GABRA2: variants seen among roughly 807,000 people sequenced by gnomAD.
The protein encoded by GABRA2 is gamma-aminobutyric acid type A receptor subunit alpha2.
In GABRA2, 16 loss-of-function variants were observed where a neutral mutation model predicts 48.7. The ratio of observed to expected loss-of-function variants is 0.33; its 90% CI spans 0.22 to 0.50. The LOEUF (loss-of-function observed/expected upper bound fraction) is 0.50. Among genes scored for constraint, GABRA2 ranks in the 20% least tolerant of loss-of-function variants. The pLI is 0.98. For missense variants in GABRA2, 275 were observed against 535.6 expected, an observed-to-expected ratio of 0.51 and a Z score of 4.80; for synonymous variants, 185 against 184.5, an observed-to-expected ratio of 1.00 and a Z score of -0.02.
chr4:46,265,426 GTA>G (rs34669556), intron 8 of GABRA2, among the ~76,000 whole-genome samples: 68,094 of 119,772 alleles, frequency 0.57, 19,003 homozygotes, highest in South Asian at 0.74. Context: ...AATATATTGT[GTA>G]TATATATATA....
At chr4:46,326,131 T>C (rs1046337277) in intron 4 of GABRA2, among the ~76,000 whole-genome samples, 4 of 151,960 alleles carry the variant, frequency 2.6e-5, no homozygotes, top group Non-Finnish European at 5.9e-5. Flanking sequence ...ATTGATAGTG[T>C]GATAGGAATA....
intron 8 of GABRA2, among the ~76,000 whole-genome samples, chr4:46,263,050 T>G (rs113311958): frequency 1.2e-5 from 1 of 86,092 alleles, no homozygotes; most frequent in South Asian, 5.5e-4. Flanking sequence ...TACAAAAGAA[T>G]AGAATATAAG....
At chr4:46,320,520 C>T (rs769609427) in intron 4 of GABRA2, among the ~76,000 whole-genome samples, 14 of 151,838 alleles carry the variant, frequency 9.2e-5, no homozygotes, top group Admixed American at 7.9e-4. Flanking sequence ...GGAGAAAATA[C>T]TTGCAGATTA....
At chr4:46,342,545 C>T (rs1322341860) in intron 3 of GABRA2, among the ~76,000 whole-genome samples, 1 of 152,058 alleles carries the variant, frequency 6.6e-6, no homozygotes, top group East Asian at 1.9e-4. Flanking sequence ...TGCTGCCTCG[C>T]TGACCTCTTG....
chr4:46,352,294 C>T (rs1735259676), intron 3 of GABRA2, among the ~76,000 whole-genome samples: 1 of 151,948 alleles, frequency 6.6e-6, no homozygotes, highest in Non-Finnish European at 1.5e-5. Flanking sequence ...CCAAGCTCTC[C>T]TGTTTGGAAT....
chr4:46,280,044 GTT>G (rs756130098), intron 8 of GABRA2, among the ~76,000 whole-genome samples: 1 of 148,872 alleles, frequency 6.7e-6, no homozygotes, highest in East Asian at 2.0e-4. Flanking sequence ...AGGCTTACAA[GTT>G]TTTTTTTAAA....
At chr4:46,282,948 A>C (rs1721805362) in intron 8 of GABRA2, among the ~76,000 whole-genome samples, 1 of 152,220 alleles carries the variant, frequency 6.6e-6, no homozygotes. Context: ...AAACTAAGGT[A>C]CAGAGGGGTT....
Position 46,245,180 on chromosome 4 carries a change from A to C in GABRA2, c.*5128T>G, listed in dbSNP as rs1713489801. ...GTGAGGACTGAATGAACTAATATGC[A>C]TAAAAAACTTAGAACGTTGACTAGT... On this transcript the variant is annotated 3_prime_UTR_variant, in exon 10 of 10. Transcript: ENST00000381620. 6.6e-6 allele frequency among the ~76,000 whole-genome samples: 1 copy of C among 151,334 alleles called. No individual in the cohort carries two copies.
intron 8 of GABRA2, among the ~76,000 whole-genome samples, chr4:46,301,700 A>T (rs747430409): frequency 9.2e-5 from 14 of 152,198 alleles, no homozygotes; most frequent in Non-Finnish European, 2.1e-4. Context: ...GGAAGGATCC[A>T]TGCTGTTGTT....
intron 3 of GABRA2, among the ~76,000 whole-genome samples, chr4:46,348,093 C>A (rs898549792): frequency 6.6e-6 from 1 of 152,022 alleles, no homozygotes; most frequent in African/African-American, 2.4e-5. Context: ...AAACAAACAA[C>A]CCCATCAAAA....
At chr4:46,371,523 C>A (rs1409186932) in intron 3 of GABRA2, among the ~76,000 whole-genome samples, 1 of 151,994 alleles carries the variant, frequency 6.6e-6, no homozygotes, top group Admixed American at 6.6e-5. Context: ...TTTTATAAAG[C>A]AAGGTTCAAA....
chr4:46,381,575 T>A (rs1358737135), intron 3 of GABRA2, among the ~76,000 whole-genome samples: 1 of 152,326 alleles, frequency 6.6e-6, no homozygotes, highest in Non-Finnish European at 1.5e-5. Flanking sequence ...CTGCTATACC[T>A]AACAATACTA....
At chr4:46,262,477 T>C (rs906266580) in intron 8 of GABRA2, among the ~76,000 whole-genome samples, 1 of 152,134 alleles carries the variant, frequency 6.6e-6, no homozygotes, top group Non-Finnish European at 1.5e-5. Context: ...AATGGTCCCA[T>C]TGACAATTAA....
intron 3 of GABRA2, among the ~76,000 whole-genome samples, chr4:46,349,815 C>T (rs1734815048): frequency 6.6e-6 from 1 of 151,802 alleles, no homozygotes; most frequent in Non-Finnish European, 1.5e-5. Context: ...ATGAAATCTA[C>T]TAAAGTGATT....
chr4:46,265,498 A>AATATATATACAATATATTG (rs1718025803), intron 8 of GABRA2, among the ~76,000 whole-genome samples: 4 of 143,220 alleles, frequency 2.8e-5, no homozygotes, highest in African/African-American at 1.1e-4. Context: ...ATATATATAT[A>AATATATATACAATATATTG]TATATGTTTT....
intron 8 of GABRA2, among the ~76,000 whole-genome samples, chr4:46,278,258 A>G (rs1468394443): frequency 6.6e-6 from 1 of 152,184 alleles, no homozygotes; most frequent in Non-Finnish European, 1.5e-5. Flanking sequence ...AAAAAAACAA[A>G]GGTATATGTT....
Position 46,332,601 on chromosome 4 carries a change from A to G in GABRA2, c.255+14T>C. The stretch of plus-strand genomic sequence containing the variant: ...ATTATGTGAAGTAAAAATACTATTT[A>G]ATGAAAAACTCACCATATCTGTATC... On this transcript the variant is annotated intron_variant, in intron 4 of 9. Transcript: ENST00000381620. The G allele has an allele frequency of 6.6e-7, 1 of 1,513,726 alleles. No individual in the cohort carries two copies. Among genetic ancestry groups the G allele is most frequent in the Non-Finnish European group, 9.2e-7 (1 of 1,090,396 alleles). The allele number at this position is 1,513,726 out of a possible 1,614,324, so 93.8% of individuals were successfully genotyped here. A position where few individuals can be genotyped will look rare whatever the true frequency, so the allele number is the denominator to read the frequency against.
intron 3 of GABRA2, among the ~76,000 whole-genome samples, chr4:46,335,627 C>T (rs1732096970): frequency 1.3e-5 from 2 of 152,234 alleles, no homozygotes; most frequent in South Asian, 4.1e-4. Flanking sequence ...ACGCACACCA[C>T]GTCCAGCTAG....
chr4:46,377,803 A>T (rs1368004679), intron 3 of GABRA2, among the ~76,000 whole-genome samples: 1 of 120,352 alleles, frequency 8.3e-6, no homozygotes, highest in African/African-American at 3.2e-5. Context: ...GGCCGCCCCT[A>T]CTGGGAAGTG....
Sources: gnomAD v4.1 joint callset for allele counts (sites outside exome capture counted in the v4.1 genomes callset) on GRCh38, gnomAD v4.1.1 for gene constraint, MANE v1.5 for transcripts, NCBI Gene and HGNC (gene_info 2026-07-23, HGNC 2026-07-21) for gene names.